Variants in SLC22A9 observed in about 807,000 individuals in gnomAD.
SLC22A9 encodes the protein solute carrier family 22 member 9.
In SLC22A9, 64 loss-of-function variants were observed where a neutral mutation model predicts 50.1. That is an observed-to-expected ratio of 1.28 (90% confidence interval 1.04 to 1.57). SLC22A9 has a LOEUF of 1.57. SLC22A9 is among the 40% of genes most tolerant of loss of function. The pLI is 0.00. For synonymous variants in SLC22A9, 261 were observed against 242.5 expected (o/e 1.08, Z -0.71); for missense variants, 757 against 676.1 (o/e 1.12, Z -1.33).
chr11:63,408,454 G>A (rs2015078273), intron 8 of SLC22A9, among the ~76,000 whole-genome samples: 1 of 152,180 alleles, frequency 6.6e-6, no homozygotes, highest in South Asian at 2.1e-4. Context: ...AGAGGTTGGT[G>A]CTAAGGATAG....
intron 6 of SLC22A9, among the ~76,000 whole-genome samples, chr11:63,397,155 G>C (rs1257537995): frequency 6.6e-6 from 1 of 152,062 alleles, no homozygotes; most frequent in Admixed American, 6.5e-5. Flanking sequence ...CATGGTCATG[G>C]ATAACATCCA....
intron 4 of SLC22A9, among the ~76,000 whole-genome samples, chr11:63,375,402 G>T (rs994847281): frequency 6.6e-6 from 1 of 152,118 alleles, no homozygotes; most frequent in African/African-American, 2.4e-5. Flanking sequence ...AGGTAAATTT[G>T]CCAAGTAAGA....
At chr11:63,391,306 A>T (rs942181318) in intron 6 of SLC22A9, among the ~76,000 whole-genome samples, 7 of 152,144 alleles carry the variant, frequency 4.6e-5, no homozygotes, top group South Asian at 2.1e-4. Context: ...CCATTGGATG[A>T]AATGTTTCAT....
chr11:63,407,431 C>G (rs1255541009), intron 7 of SLC22A9, among the ~76,000 whole-genome samples: 1 of 152,182 alleles, frequency 6.6e-6, no homozygotes, highest in Admixed American at 6.5e-5. Context: ...CACTCCCCCT[C>G]TTGAATGCCA....
intron 5 of SLC22A9, among the ~76,000 whole-genome samples, chr11:63,379,025 T>C (rs1235523556): frequency 6.6e-6 from 1 of 152,074 alleles, no homozygotes; most frequent in Non-Finnish European, 1.5e-5. Context: ...TATTCTAAAA[T>C]TCATATGGAA....
chr11:63,393,384 C>T (rs1050281651), intron 6 of SLC22A9, among the ~76,000 whole-genome samples: 11 of 152,098 alleles, frequency 7.2e-5, no homozygotes, highest in African/African-American at 2.7e-4. Flanking sequence ...TAGGAACTTT[C>T]TGGAGGAGTC....
At chr11:63,408,262 C>T (rs1416775194) in intron 8 of SLC22A9, 42 bp downstream of exon 8, 11 of 1,480,828 alleles carry the variant, frequency 7.4e-6, no homozygotes, top group Non-Finnish European at 1.0e-5. Context: ...CAAAATGGAC[C>T]TTTCTCAGAT....
chr11:63,409,772 T>G (rs1410505517), intron 9 of SLC22A9, 30 bp from the exon 10 acceptor site: 2 of 1,610,294 alleles, frequency 1.2e-6, no homozygotes, highest in Non-Finnish European at 8.5e-7. Flanking sequence ...TTTTTGTGAT[T>G]TTTTGTTGGT....
chr11:63,409,675 G>C, intron 9 of SLC22A9, 127 bp from the exon 10 acceptor site: 1 of 903,918 alleles, frequency 1.1e-6, no homozygotes, highest in Non-Finnish European at 1.7e-6. Context: ...CTTGGGGGCA[G>C]AGATATGGTT....
At chr11:63,390,523 C>T (rs1377027135) in intron 6 of SLC22A9, among the ~76,000 whole-genome samples, 1 of 152,074 alleles carries the variant, frequency 6.6e-6, no homozygotes, top group Non-Finnish European at 1.5e-5. Flanking sequence ...CTGTTCTTTT[C>T]CATTGGCCTA....
intron 6 of SLC22A9, among the ~76,000 whole-genome samples, chr11:63,390,841 A>T (rs961654982): frequency 6.6e-6 from 1 of 151,854 alleles, no homozygotes; most frequent in African/African-American, 2.4e-5. Context: ...AATCTTTATT[A>T]TTTATTTTCT....
chr11:63,409,937 A>C lies in SLC22A9; in HGVS notation c.*75A>C. 1.3e-6 allele frequency: 2 copies of C among 1,522,800 alleles called. No individual in the cohort carries two copies. The highest frequency in any genetic ancestry group is 1.8e-6 in the Non-Finnish European group (2 of 1,101,716). 94.3% of individuals were successfully genotyped at this position (1,522,800 alleles called of 1,614,324 possible). On this transcript the variant is annotated 3_prime_UTR_variant, in exon 10 of 10. Coordinates refer to ENST00000279178, the MANE Select transcript of SLC22A9 (RefSeq NM_080866.3). ...TCAGGACTATTCCTAGACACTAGCA[A>C]AATCTAGAAAATAAATAACAAGGCT...
chr11:63,370,254 C>T lies in SLC22A9; in HGVS notation c.198C>T (p.Ala66=). The T allele has an allele frequency of 1.2e-6, 2 of 1,614,036 alleles. No homozygotes were observed. Among genetic ancestry groups the T allele is most frequent in the Non-Finnish European group, 1.7e-6 (2 of 1,179,926 alleles). Residue 66 remains alanine (A), a synonymous_variant, in exon 1 of 10, where the codon GCC becomes GCT. Coordinates refer to ENST00000279178, the MANE Select transcript of SLC22A9 (RefSeq NM_080866.3). ...CTGTCTCTGACAATGACACTGGGGC[C>T]CTCAGCCAAGATGCACTCTTGAGAA... ...NDTVSDNDTG[A]LSQDALLRIS... is the part of the protein sequence containing the mutation.
Position 63,404,612 on chromosome 11 carries a change from A to T in SLC22A9, c.1074-1885A>T, listed in dbSNP as rs114426306. 7.9e-3 allele frequency among the ~76,000 whole-genome samples: 1,210 copies of T among 152,274 alleles called. 21 individuals carry two copies. The highest frequency in any genetic ancestry group is 0.028 in the African/African-American group (1,162 of 41,562). ...CCAGAGTGGTTAAAAACCCTGCCCT[A>T]AAAAGAAAATGAATGGGAGCTGGAT... On this transcript the variant is annotated intron_variant, in intron 6 of 9. Coordinates refer to ENST00000279178, the MANE Select transcript of SLC22A9 (RefSeq NM_080866.3).
At chr11:63,386,434 C>CTTTTTTTTTTTTTTTTTTTTTTTTTTT (rs71065364) in intron 6 of SLC22A9, among the ~76,000 whole-genome samples, 2 of 33,494 alleles carry the variant, frequency 6.0e-5, no homozygotes, top group African/African-American at 1.8e-4. Context: ...TGGACCTGGA[C>CTTTTTTTTTTTTTTTTTTTTTTTTTTT]TTTTTTTTTT....
intron 6 of SLC22A9, among the ~76,000 whole-genome samples, chr11:63,405,821 T>C (rs985273780): frequency 3.9e-5 from 6 of 152,164 alleles, no homozygotes; most frequent in African/African-American, 1.4e-4. Flanking sequence ...GGCTTTAGAA[T>C]ACTAATAAAA....
intron 6 of SLC22A9, among the ~76,000 whole-genome samples, chr11:63,401,593 C>T (rs1267933240): frequency 6.6e-6 from 1 of 152,046 alleles, no homozygotes; most frequent in Non-Finnish European, 1.5e-5. Context: ...TATCAAAATA[C>T]CAATGACATT....
chr11:63,381,994 C>A (rs2014571268), intron 5 of SLC22A9, among the ~76,000 whole-genome samples, 165 bp from the exon 6 acceptor site: 1 of 152,152 alleles, frequency 6.6e-6, no homozygotes, highest in African/African-American at 2.4e-5. Context: ...TCCTAATTCA[C>A]TTTTCACATC....
rs138699942 is a variant in SLC22A9 at position 63,401,725 on chromosome 11, G to A, written c.1074-4772G>A. 2.0e-3 allele frequency among the ~76,000 whole-genome samples: 298 copies of A among 151,976 alleles called. 2 individuals are homozygous for A. Among genetic ancestry groups the A allele is most frequent in the African/African-American group, 6.8e-3 (282 of 41,528 alleles). On this transcript the variant is annotated intron_variant, in intron 6 of 9. Coordinates refer to ENST00000279178, the MANE Select transcript of SLC22A9 (RefSeq NM_080866.3). ...GCTGAGCTAATTTGCATTCCCACCC[G>A]CAGTCTACTAGTGTTCCCTTTTCTC...
Sources: gnomAD v4.1 joint callset for allele counts (sites outside exome capture counted in the v4.1 genomes callset) on GRCh38, gnomAD v4.1.1 for gene constraint, MANE v1.5 for transcripts, NCBI Gene and HGNC (gene_info 2026-07-23, HGNC 2026-07-21) for gene names.